The following NAV1 variants were observed in gnomAD, a reference collection of about 807,000 sequenced individuals.
The protein encoded by NAV1 is neuron navigator 1.
In NAV1, 18 loss-of-function variants were observed where a neutral mutation model predicts 175.2. The ratio of observed to expected loss-of-function variants is 0.10; its 90% CI spans 0.07 to 0.15. The LOEUF is 0.15. Among genes scored for constraint, NAV1 ranks in the 10% least tolerant of loss-of-function variants. NAV1 has a pLI of 1.00. For synonymous variants in NAV1, 897 were observed against 978.7 expected (o/e 0.92, Z 1.56); for missense variants, 1,731 against 2,436.6 (o/e 0.71, Z 6.10).
chr1:201,788,549 GC>G lies in NAV1; in HGVS notation c.3078del (p.Ser1026ArgfsTer18). On this transcript the variant is annotated frameshift_variant, in exon 10 of 30. Transcript: ENST00000367296. LOFTEE classifies it high-confidence loss of function. This position sits in a 1 kb window ranked among gnomAD's most constrained non-coding sequence, Gnocchi z 5.7. ...CACGAGGCGGCCTTCGAGCTGTACA[GC>G]GGCTCCCAAATGGGGAGCACCCTGT... 5 of 1,614,164 alleles carry G rather than the reference GC, an allele frequency of 3.1e-6. No individual in the cohort carries two copies. The highest frequency in any genetic ancestry group is 4.2e-6 in the Non-Finnish European group (5 of 1,180,028).
intron 1 of NAV1, among the ~76,000 whole-genome samples, chr1:201,698,010 G>A (rs1671259399): frequency 6.6e-6 from 1 of 152,202 alleles, no homozygotes; most frequent in South Asian, 2.1e-4. Flanking sequence ...TGAATACCTT[G>A]CCCAAGGTCA....
intron 1 of NAV1, among the ~76,000 whole-genome samples, chr1:201,556,591 A>G (rs1666022577): frequency 6.6e-6 from 1 of 152,082 alleles, no homozygotes; most frequent in South Asian, 2.1e-4. Flanking sequence ...TCAGGCAAAG[A>G]CTGGGTTGGA....
chr1:201,714,307 G>A (rs1055051972), intron 2 of NAV1, among the ~76,000 whole-genome samples: 1 of 152,224 alleles, frequency 6.6e-6, no homozygotes, highest in Non-Finnish European at 1.5e-5. Context: ...GCCGTTGGCT[G>A]TAGTTCTTCC....
chr1:201,644,410 C>A (rs1378417145), upstream of NAV1, among the ~76,000 whole-genome samples: 1 of 152,106 alleles, frequency 6.6e-6, no homozygotes, highest in Non-Finnish European at 1.5e-5. Context: ...GCTCCCACTG[C>A]AGTAGAGGAT....
intron 8 of NAV1, among the ~76,000 whole-genome samples, chr1:201,786,023 C>T (rs1268045424): frequency 6.6e-6 from 1 of 151,968 alleles, no homozygotes; most frequent in African/African-American, 2.4e-5. Flanking sequence ...AAACTCCTGA[C>T]CTCAAGTGAT....
At chr1:201,752,633 G>A (rs1177503895) in intron 3 of NAV1, among the ~76,000 whole-genome samples, 1 of 149,922 alleles carries the variant, frequency 6.7e-6, no homozygotes, top group East Asian at 1.9e-4. Flanking sequence ...TAATTGCTCT[G>A]TAGAAATGTA....
rs147148091 is a variant in NAV1, at chr1:201,788,630, C to T, written c.3158C>T (p.Thr1053Met). ...CGGTCAGGATCCTTCCGAGACCCCA[C>T]GGACGATGGTGAGACTTCATGCTAG... is the stretch of plus-strand genomic sequence containing the variant. Residue 1053 changes from threonine (T) to methionine (M), a missense_variant, in exon 10 of 30, where the codon ACG becomes ATG. Transcript: ENST00000367296. This position sits in a 1 kb window ranked among gnomAD's most constrained non-coding sequence, Gnocchi z 5.7. The T allele has an allele frequency of 2.3e-4, 370 of 1,611,400 alleles. 1 individual carries two copies. In the South Asian group the frequency reaches 2.4e-3, roughly 10 times the overall value.
At chr1:201,545,968 T>A (rs911346059) in intron 1 of NAV1, among the ~76,000 whole-genome samples, 1 of 152,240 alleles carries the variant, frequency 6.6e-6, no homozygotes, top group African/African-American at 2.4e-5. Flanking sequence ...AGTGCCTTTT[T>A]CCCAGTTCAT....
intron 2 of NAV1, among the ~76,000 whole-genome samples, chr1:201,604,416 C>A (rs760226587): frequency 6.6e-6 from 1 of 152,096 alleles, no homozygotes; most frequent in Non-Finnish European, 1.5e-5. Flanking sequence ...CAACGGCTCA[C>A]GCCTGTAATC....
At chr1:201,674,563 C>T (rs1400874644) in intron 1 of NAV1, among the ~76,000 whole-genome samples, 1 of 152,174 alleles carries the variant, frequency 6.6e-6, no homozygotes, top group Non-Finnish European at 1.5e-5. Flanking sequence ...TTAATTGGCT[C>T]ATGTTTCTAC....
chr1:201,597,888 C>T (rs978943922), intron 2 of NAV1, among the ~76,000 whole-genome samples: 1 of 152,216 alleles, frequency 6.6e-6, no homozygotes, highest in African/African-American at 2.4e-5. Context: ...AACTCCATTG[C>T]CCCAGATTCC....
intron 1 of NAV1, among the ~76,000 whole-genome samples, chr1:201,567,323 A>C (rs1265321761): frequency 6.6e-6 from 1 of 152,150 alleles, no homozygotes; most frequent in African/African-American, 2.4e-5. Context: ...CACAGGTACG[A>C]GGGCATTGGC....
In NAV1 at chr1:201,782,200, A is replaced by G; in HGVS notation, c.1688A>G (p.Asp563Gly). The change falls in exon 6 of 30, where the codon GAC becomes GGC. Residue 563 changes from aspartate to glycine, a missense_variant. Physicochemically the swap from Asp to Gly is moderately conservative, Grantham distance 94. Transcript: ENST00000367296. This position sits in a 1 kb window ranked among gnomAD's most constrained non-coding sequence, Gnocchi z 5.4. ...GGCAAACCTGAGGGCAAAGCTACAG[A>G]CAAGGGTAAGCTTGCAGTGAAGAAT... is the stretch of plus-strand genomic sequence containing the variant. 3 of 1,602,358 alleles carry G rather than the reference A, an allele frequency of 1.9e-6. No homozygotes were observed. Among genetic ancestry groups the G allele is most frequent in the Non-Finnish European group, 2.6e-6 (3 of 1,174,168 alleles).
At chr1:201,702,905 A>C (rs911765282) in intron 1 of NAV1, among the ~76,000 whole-genome samples, 4 of 152,144 alleles carry the variant, frequency 2.6e-5, no homozygotes, top group South Asian at 2.1e-4. Context: ...GGCTCTCTCA[A>C]AGAGTTGTCC....
upstream of NAV1, among the ~76,000 whole-genome samples, chr1:201,621,659 A>G (rs1668175049): frequency 6.6e-6 from 1 of 152,080 alleles, no homozygotes; most frequent in Non-Finnish European, 1.5e-5. Context: ...TAGTTTATTG[A>G]TGTGTCAAAC....
rs138683365 is a variant in NAV1, at chr1:201,663,133, C to T, written c.757+13708C>T. ...CTCTGTCCAAGACATCAGCCAATTCCCCCTGGGGCGAAGGGGAACGGTCTC... is the reference window on the plus strand; with the variant it reads ...CTCTGTCCAAGACATCAGCCAATTCTCCCTGGGGCGAAGGGGAACGGTCTC... On this transcript the variant is annotated intron_variant, in intron 1 of 29. Coordinates refer to ENST00000367296, the Ensembl canonical transcript of NAV1. Among the ~76,000 whole-genome samples, 66 of 152,334 alleles carry T rather than the reference C, an allele frequency of 4.3e-4. No homozygotes were observed. The East Asian group carries it at 0.012, about 28-fold the overall frequency.
chr1:201,703,173 C>G (rs1571894961), intron 1 of NAV1, among the ~76,000 whole-genome samples: 1 of 152,126 alleles, frequency 6.6e-6, no homozygotes, highest in East Asian at 1.9e-4. Flanking sequence ...TTCTTTGGAG[C>G]AGGGTGTCAC....
intron 1 of NAV1, 22 bp downstream of exon 3, chr1:201,623,628 G>A (rs1160832204): frequency 3.0e-6 from 3 of 986,426 alleles, no homozygotes; most frequent in African/African-American, 3.5e-5. Context: ...AGCAGGCAGG[G>A]AGGGAAGGGG....
At chr1:201,806,248 G>A (rs1023361079) in intron 17 of NAV1, among the ~76,000 whole-genome samples, 1 of 152,074 alleles carries the variant, frequency 6.6e-6, no homozygotes, top group Admixed American at 6.5e-5. Context: ...GCCTCCAAAA[G>A]TGCAGGAATT....
Sources: allele counts gnomAD v4.1 joint callset (sites outside exome capture counted in the v4.1 genomes callset), GRCh38; gene constraint gnomAD v4.1.1; non-coding constraint Gnocchi (gnomAD v3.1); transcripts MANE v1.5; gene names NCBI Gene and HGNC (gene_info 2026-07-23, HGNC 2026-07-21).